Variants in ZFPM2 observed in about 807,000 individuals in gnomAD.
ZFPM2 encodes the protein zinc finger protein, FOG family member 2.
A neutral mutation model predicts 98.6 loss-of-function variants in ZFPM2; 20 were observed. That is an observed-to-expected ratio of 0.20 (90% CI 0.14 to 0.29). The LOEUF is 0.29. Ranked by LOEUF, ZFPM2 falls within the 10% of genes least tolerant of loss-of-function variation. The pLI, the probability that ZFPM2 is intolerant of heterozygous loss-of-function variation, is 1.00. For synonymous variants in ZFPM2, 518 were observed against 502.7 expected, an observed-to-expected ratio of 1.03 and a Z score of -0.41; for missense variants, 1,310 against 1,388.6, an observed-to-expected ratio of 0.94 and a Z score of 0.90.
intron 5 of ZFPM2, among the ~76,000 whole-genome samples, chr8:105,666,027 A>C (rs1191992088): frequency 6.6e-6 from 1 of 152,142 alleles, no homozygotes; most frequent in Non-Finnish European, 1.5e-5. Flanking sequence ...TTGTTATTTG[A>C]GTTGATATTA....
chr8:105,722,660 T>C (rs1353135852), intron 5 of ZFPM2, among the ~76,000 whole-genome samples: 1 of 151,792 alleles, frequency 6.6e-6, no homozygotes, highest in Non-Finnish European at 1.5e-5. Flanking sequence ...AAGTGGGTCA[T>C]CATAAAGGGC....
At chr8:105,654,203 G>A (rs1400866546) in intron 5 of ZFPM2, among the ~76,000 whole-genome samples, 1 of 148,706 alleles carries the variant, frequency 6.7e-6, no homozygotes, top group African/African-American at 2.5e-5. Context: ...AGTAAAAGAG[G>A]AAAAAAAGAG....
At chr8:105,497,631 A>T (rs1813501496) in intron 3 of ZFPM2, among the ~76,000 whole-genome samples, 1 of 152,180 alleles carries the variant, frequency 6.6e-6, no homozygotes, top group South Asian at 2.1e-4. Context: ...TGAAAAAAAC[A>T]TATATTAAGA....
At chr8:105,494,029 C>T (rs1430667592) in intron 3 of ZFPM2, among the ~76,000 whole-genome samples, 1 of 151,334 alleles carries the variant, frequency 6.6e-6, no homozygotes, top group Non-Finnish European at 1.5e-5. Context: ...CTTGAAGCCT[C>T]CTTAATGTGG....
chr8:105,420,895 A>T (rs17284878), intron 2 of ZFPM2, among the ~76,000 whole-genome samples: 33,571 of 152,098 alleles, frequency 0.22, 4,663 homozygotes, highest in Middle Eastern at 0.35. Context: ...TTGTCAATTT[A>T]ATTCATCCAG....
intron 1 of ZFPM2, among the ~76,000 whole-genome samples, chr8:105,346,625 T>C (rs1472077239): frequency 6.6e-6 from 1 of 152,190 alleles, no homozygotes; most frequent in Non-Finnish European, 1.5e-5. Context: ...CTAAGGACTC[T>C]GTTAGGCACT....
At chr8:105,753,946 G>C (rs1586240615) in intron 5 of ZFPM2, among the ~76,000 whole-genome samples, 1 of 152,094 alleles carries the variant, frequency 6.6e-6, no homozygotes, top group Non-Finnish European at 1.5e-5. Flanking sequence ...TTTCTAGTGT[G>C]TTATTTAAAA....
chr8:105,416,417 A>C (rs1811680574), intron 1 of ZFPM2, among the ~76,000 whole-genome samples: 1 of 151,702 alleles, frequency 6.6e-6, no homozygotes, highest in Admixed American at 6.6e-5. Flanking sequence ...ATTTTGTAAA[A>C]GGAAAGCATA....
chr8:105,759,988 T>A (rs1160893931), intron 5 of ZFPM2, among the ~76,000 whole-genome samples: 5 of 152,022 alleles, frequency 3.3e-5, no homozygotes, highest in African/African-American at 4.8e-5. Context: ...GACAGTAGAT[T>A]AGGTTAATTC....
chr8:105,664,950 G>T (rs1263303003), intron 5 of ZFPM2, among the ~76,000 whole-genome samples: 1 of 152,120 alleles, frequency 6.6e-6, no homozygotes, highest in East Asian at 1.9e-4. Flanking sequence ...ATAATTAAGG[G>T]CAAAAATTCA....
intron 2 of ZFPM2, among the ~76,000 whole-genome samples, chr8:105,430,143 A>T (rs1311141083): frequency 1.3e-5 from 2 of 152,216 alleles, no homozygotes; most frequent in Non-Finnish European, 2.9e-5. Context: ...TACTGTGGTT[A>T]CTATGAGGTT....
At chr8:105,365,559 A>G (rs935481569) in intron 1 of ZFPM2, among the ~76,000 whole-genome samples, 1 of 152,186 alleles carries the variant, frequency 6.6e-6, no homozygotes, top group African/African-American at 2.4e-5. Flanking sequence ...GAATTCTCTG[A>G]TACATTTTTA....
intron 6 of ZFPM2, among the ~76,000 whole-genome samples, chr8:105,794,940 C>T (rs976199836): frequency 3.3e-5 from 5 of 152,168 alleles, no homozygotes; most frequent in African/African-American, 7.2e-5. Context: ...CGGAAAATCG[C>T]AGTATTCGGG....
chr8:105,536,548 A>G (rs562331385), intron 3 of ZFPM2, among the ~76,000 whole-genome samples: 1 of 152,258 alleles, frequency 6.6e-6, no homozygotes, highest in South Asian at 2.1e-4. Context: ...TTGCACCGAG[A>G]TAATGGGATC....
intron 3 of ZFPM2, among the ~76,000 whole-genome samples, chr8:105,549,545 TCCTTC>T (rs1288029040): frequency 7.5e-6 from 1 of 134,078 alleles, no homozygotes; most frequent in Non-Finnish European, 1.6e-5. Flanking sequence ...CTTCCTTCCT[TCCTTC>T]CTTCCTTCCT....
At chr8:105,418,624 C>T (rs768132431) in intron 1 of ZFPM2, 1 of 518,474 alleles carries the variant, frequency 1.9e-6, no homozygotes, top group Non-Finnish European at 3.8e-6. Context: ...TTTCTTCAAG[C>T]CTCAAACACA....
In ZFPM2 at chr8:105,318,996, G is replaced by C; in HGVS notation, c.40+15G>C. 4 of 1,491,942 alleles carry C rather than the reference G, an allele frequency of 2.7e-6. No individual in the cohort carries two copies. The highest frequency in any genetic ancestry group is 2.7e-6 in the Non-Finnish European group (3 of 1,113,004). 92.4% of individuals were successfully genotyped at this position (1,491,942 alleles called of 1,614,324 possible). On this transcript the variant is annotated intron_variant, in intron 1 of 7. Coordinates refer to ENST00000407775, the MANE Select transcript of ZFPM2 (RefSeq NM_012082.4). ...GCAGATCAAACGTAAGTTTGCGCGC[G>C]GGGCCGGGAGTTGGTGGGATTATTG...
chr8:105,353,200 C>T (rs1219812317), intron 1 of ZFPM2, among the ~76,000 whole-genome samples: 4 of 152,002 alleles, frequency 2.6e-5, no homozygotes, highest in Non-Finnish European at 4.4e-5. Context: ...TAGAGACTTC[C>T]CTAATGCTTC....
chr8:105,431,731 A>G (rs554686683), intron 2 of ZFPM2, among the ~76,000 whole-genome samples: 2 of 152,106 alleles, frequency 1.3e-5, no homozygotes, highest in Admixed American at 1.3e-4. Context: ...TTGGCAACAT[A>G]GGGAGACCTC....
Sources: allele counts gnomAD v4.1 joint callset (sites outside exome capture counted in the v4.1 genomes callset), GRCh38; gene constraint gnomAD v4.1.1; transcripts MANE v1.5; gene names NCBI Gene and HGNC (gene_info 2026-07-23, HGNC 2026-07-21).